SGCZ: variants seen among roughly 807,000 people sequenced by gnomAD.
The protein encoded by SGCZ is sarcoglycan zeta.
Under a neutral mutation model 41.3 loss-of-function variants are expected in SGCZ, and 40 were observed. That is an observed-to-expected ratio of 0.97 (90% CI 0.75 to 1.26). The LOEUF is 1.26. SGCZ is among the 50% of genes most tolerant of loss of function. The pLI is 0.00. For synonymous variants in SGCZ, 206 were observed against 137.5 expected (o/e 1.50, Z -3.49); for missense variants, 552 against 369.8 (o/e 1.49, Z -4.04).
At chr8:15,149,480 A>T (rs1799120305) in intron 1 of SGCZ, among the ~76,000 whole-genome samples, 1 of 152,180 alleles carries the variant, frequency 6.6e-6, no homozygotes, top group African/African-American at 2.4e-5. Context: ...AATCTTCTGT[A>T]GCCCTGCTTT....
intron 1 of SGCZ, among the ~76,000 whole-genome samples, chr8:15,207,368 G>A (rs1347219517): frequency 1.3e-5 from 2 of 152,280 alleles, no homozygotes; most frequent in East Asian, 1.9e-4. Flanking sequence ...AAAATTAGAA[G>A]GCTAGACTGG....
At chr8:14,143,727 A>T (rs1051425533) in intron 5 of SGCZ, among the ~76,000 whole-genome samples, 1 of 152,178 alleles carries the variant, frequency 6.6e-6, no homozygotes, top group Non-Finnish European at 1.5e-5. Flanking sequence ...TGAAAGAGGC[A>T]TGAAGAGATA....
intron 2 of SGCZ, among the ~76,000 whole-genome samples, chr8:14,407,760 AT>A (rs909020098): frequency 3.3e-5 from 5 of 152,062 alleles, no homozygotes; most frequent in Non-Finnish European, 7.4e-5. Context: ...CAGCTGGTGC[AT>A]TTTTTCCTAT....
intron 1 of SGCZ, among the ~76,000 whole-genome samples, chr8:14,885,729 C>A (rs1035700424): frequency 6.6e-6 from 1 of 151,820 alleles, no homozygotes; most frequent in African/African-American, 2.4e-5. Flanking sequence ...AAAGGCCAAG[C>A]AAATGTCAGG....
intron 1 of SGCZ, among the ~76,000 whole-genome samples, chr8:14,892,140 G>A (rs992385893): frequency 6.6e-6 from 1 of 152,062 alleles, no homozygotes; most frequent in Admixed American, 6.6e-5. Flanking sequence ...TTACATTATG[G>A]CTTCCATACA....
intron 4 of SGCZ, among the ~76,000 whole-genome samples, chr8:14,166,114 A>T (rs1460652573): frequency 2.0e-5 from 3 of 152,190 alleles, no homozygotes; most frequent in Non-Finnish European, 4.4e-5. Context: ...TAAAAATTTG[A>T]AAAGCTTCAA....
intron 2 of SGCZ, among the ~76,000 whole-genome samples, chr8:14,470,634 C>A (rs1430822026): frequency 2.6e-5 from 4 of 152,004 alleles, no homozygotes; most frequent in Admixed American, 2.6e-4. Context: ...TATTTCTGAG[C>A]ACACAATAAA....
At chr8:15,081,122 C>A (rs1279251081) in intron 1 of SGCZ, among the ~76,000 whole-genome samples, 1 of 152,134 alleles carries the variant, frequency 6.6e-6, no homozygotes, top group African/African-American at 2.4e-5. Flanking sequence ...TATGGCAACC[C>A]TAGCAAACTC....
chr8:14,139,706 C>A (rs1271746420), intron 5 of SGCZ, among the ~76,000 whole-genome samples: 1 of 151,860 alleles, frequency 6.6e-6, no homozygotes, highest in Non-Finnish European at 1.5e-5. Context: ...GCCTACCAAC[C>A]AAAAAAAGTC....
intron 1 of SGCZ, among the ~76,000 whole-genome samples, chr8:14,793,989 C>T (rs989708258): frequency 6.6e-6 from 1 of 151,962 alleles, no homozygotes; most frequent in Non-Finnish European, 1.5e-5. Context: ...AAAGAAGAAA[C>T]CAAAAAACTG....
intron 1 of SGCZ, among the ~76,000 whole-genome samples, chr8:14,663,840 T>A (rs757222041): frequency 4.6e-5 from 7 of 152,134 alleles, no homozygotes; most frequent in Non-Finnish European, 7.4e-5. Context: ...TCTAGTCACA[T>A]ATCATTAGCA....
intron 2 of SGCZ, among the ~76,000 whole-genome samples, chr8:14,349,838 A>C (rs939638013): frequency 6.6e-6 from 1 of 152,170 alleles, no homozygotes; most frequent in Non-Finnish European, 1.5e-5. Flanking sequence ...GCCATAAAAA[A>C]GTTCTATGAC....
At chr8:15,063,891 G>C (rs1293035324) in intron 1 of SGCZ, among the ~76,000 whole-genome samples, 1 of 152,086 alleles carries the variant, frequency 6.6e-6, no homozygotes, top group African/African-American at 2.4e-5. Context: ...CATGCCTAAG[G>C]CTTACAGTCG....
intron 1 of SGCZ, among the ~76,000 whole-genome samples, chr8:14,806,601 C>T (rs1218124572): frequency 6.6e-6 from 1 of 152,044 alleles, no homozygotes; most frequent in East Asian, 1.9e-4. Context: ...AGCTTACCAA[C>T]CAAAAAGAGT....
At chr8:14,294,136 G>C (rs1393259767) in intron 3 of SGCZ, among the ~76,000 whole-genome samples, 3 of 151,694 alleles carry the variant, frequency 2.0e-5, no homozygotes, top group East Asian at 1.9e-4. Context: ...TGATATTGTA[G>C]AATTTCTGAG....
At chr8:14,214,287 G>A (rs1014346956) in intron 4 of SGCZ, among the ~76,000 whole-genome samples, 3 of 152,032 alleles carry the variant, frequency 2.0e-5, no homozygotes, top group African/African-American at 7.2e-5. Context: ...CAAAATCAAA[G>A]AAAGTCTGTG....
At chr8:14,276,069 G>A (rs1800218157) in intron 3 of SGCZ, among the ~76,000 whole-genome samples, 1 of 152,170 alleles carries the variant, frequency 6.6e-6, no homozygotes. Context: ...AGGTGGACCT[G>A]CTTCTTCCTT....
At chr8:14,120,787 T>C (rs893465549) in intron 5 of SGCZ, among the ~76,000 whole-genome samples, 1 of 152,116 alleles carries the variant, frequency 6.6e-6, no homozygotes, top group Non-Finnish European at 1.5e-5. Context: ...TAAAGAGATG[T>C]TAATTATAAT....
chr8:14,407,379 G>A (rs1192041265), intron 2 of SGCZ, among the ~76,000 whole-genome samples: 4 of 152,070 alleles, frequency 2.6e-5, no homozygotes, highest in African/African-American at 9.7e-5. Context: ...ATATTATACA[G>A]ATAAGAACAC....
Sources: gnomAD v4.1 joint callset for allele counts (sites outside exome capture counted in the v4.1 genomes callset) on GRCh38, gnomAD v4.1.1 for gene constraint, MANE v1.5 for transcripts, NCBI Gene and HGNC (gene_info 2026-07-23, HGNC 2026-07-21) for gene names.